Variants in NMB observed in about 807,000 individuals in gnomAD.
NMB encodes the protein neuromedin-B.
Under a neutral mutation model 11.7 loss-of-function variants are expected in NMB, and 12 were observed. The observed-to-expected ratio is 1.03, with a 90% CI of 0.66 to 1.66. The LOEUF (loss-of-function observed/expected upper bound fraction) is 1.66. Among genes scored for constraint, NMB ranks in the 40% most tolerant of loss-of-function variants. NMB has a pLI of 0.00. For missense variants in NMB, 174 were observed against 157.9 expected, an observed-to-expected ratio of 1.10 and a Z score of -0.55; for synonymous variants, 76 against 72.6, an observed-to-expected ratio of 1.05 and a Z score of -0.24.
chr15:84,655,939 G>C (rs1168147195), intron 2 of NMB, among the ~76,000 whole-genome samples: 1 of 152,114 alleles, frequency 6.6e-6, no homozygotes, highest in African/African-American at 2.4e-5. Context: ...ACCTTTTCTA[G>C]GGAATGCCTC....
intron 2 of NMB, among the ~76,000 whole-genome samples, chr15:84,656,244 C>A (rs1896781233): frequency 1.3e-5 from 2 of 152,070 alleles, no homozygotes; most frequent in African/African-American, 4.8e-5. Flanking sequence ...ACGTTGTAGT[C>A]AAAACCCACA....
intron 2 of NMB, among the ~76,000 whole-genome samples, chr15:84,656,197 T>C (rs1026888919): frequency 2.6e-5 from 4 of 152,092 alleles, no homozygotes; most frequent in African/African-American, 9.7e-5. Context: ...ATTTCTAAGG[T>C]CATACAGCTA....
rs1253612517 is a variant in NMB at position 84,657,041 on chromosome 15, C to T, written c.330+135G>A. On this transcript the variant is annotated intron_variant, in intron 2 of 2. Transcript: ENST00000360476. The stretch of plus-strand genomic sequence containing the variant: ...GGGAAAAGCCTGGAAACCTGGCTTT[C>T]TGGGGTCCACACCCATAATGTCCTA... The T allele has an allele frequency of 2.1e-5, 16 of 762,584 alleles. No individual in the cohort carries two copies. In the East Asian group the frequency reaches 5.3e-4, roughly 25 times the overall value. The allele number at this position is 762,584 out of a possible 1,614,324, so 47.2% of individuals were successfully genotyped here.
chr15:84,656,590 A>G (rs777363063), intron 2 of NMB, among the ~76,000 whole-genome samples: 2 of 150,904 alleles, frequency 1.3e-5, no homozygotes, highest in Non-Finnish European at 1.5e-5. Flanking sequence ...GTCAGCCCTC[A>G]CAAGAAACAG....
At position 84,655,375 on chromosome 15, in the gene NMB, C is replaced by T. The variant is rs17598561; in HGVS notation, c.365G>A (p.Ter122=). 0.061 allele frequency: 98,701 copies of T among 1,614,058 alleles called. 3,373 individuals are homozygous for T. Among genetic ancestry groups the T allele is most frequent in the African/African-American group, 0.092 (6,893 of 75,030 alleles). The change falls in exon 3 of 3, where the codon TGA becomes TAA. Residue 122 remains the stop codon, a stop_retained_variant. Transcript: ENST00000360476. ...RRLLVQILQK[*] Reference sequence around the variant, plus strand: ...GTTGTGTCTGCCCCATTATTGGTGTCATTTCTGCAGTATTTGTACCAGCAG... The same window carrying T: ...GTTGTGTCTGCCCCATTATTGGTGTTATTTCTGCAGTATTTGTACCAGCAG...
At chr15:84,657,393 T>A (rs1202751118) in intron 1 of NMB, 45 bp from the exon 2 acceptor site, 1 of 1,422,472 alleles carries the variant, frequency 7.0e-7, no homozygotes, top group Non-Finnish European at 9.2e-7. Context: ...GCAGCCAGGA[T>A]CCTACCTCAG....
At chr15:84,657,072 A>T in intron 2 of NMB, 104 bp downstream of exon 2, 1 of 1,065,026 alleles carries the variant, frequency 9.4e-7, no homozygotes, top group Non-Finnish European at 1.3e-6. Flanking sequence ...TCCTAGTCAG[A>T]CAGTCACACC....
intron 2 of NMB, among the ~76,000 whole-genome samples, chr15:84,656,954 G>T (rs1896789997): frequency 6.6e-6 from 1 of 152,234 alleles, no homozygotes; most frequent in East Asian, 1.9e-4. Flanking sequence ...GCCCCATGGG[G>T]TCTACTGGGA....
intron 2 of NMB, among the ~76,000 whole-genome samples, chr15:84,655,795 C>A (rs957522900): frequency 2.0e-5 from 3 of 152,168 alleles, no homozygotes; most frequent in Admixed American, 6.5e-5. Flanking sequence ...GCTTCAAAAC[C>A]AAGGGCATTA....
At chr15:84,656,637 TAAACCCTAC>T (rs1896786443) in intron 2 of NMB, among the ~76,000 whole-genome samples, 2 of 151,554 alleles carry the variant, frequency 1.3e-5, no homozygotes, top group Admixed American at 1.3e-4. Context: ...CTGAAGTTGC[TAAACCCTAC>T]CACTGGATAC....
In NMB at chr15:84,658,013, C is replaced by T. The variant is rs1436154413; in HGVS notation, c.140G>A (p.Gly47Asp). ...AGACTTACCGGTGGCCCAGAGGTTG[C>T]CTCGCGAGTGCACTCGGATCTTGCT... ...RASKIRVHSR[G>D]NLWATGHFMG... The change falls in exon 1 of 3, where the codon GGC (glycine) becomes GAC (aspartate). Residue 47 changes from glycine to aspartate, a missense_variant. Physicochemically the swap from Gly to Asp is moderately conservative, Grantham distance 94 (BLOSUM62 -1). Transcript: ENST00000360476. 23 of 1,597,592 alleles carry T rather than the reference C, an allele frequency of 1.4e-5. No homozygotes were observed. Among genetic ancestry groups the T allele is most frequent in the Non-Finnish European group, 1.8e-5 (21 of 1,173,048 alleles).
Position 84,658,167 on chromosome 15 carries a change from C to A in NMB, c.-15G>T, listed in dbSNP as rs200032663. On this transcript the variant is annotated 5_prime_UTR_variant, in exon 1 of 3. Transcript: ENST00000360476. ...CGCCGGGCCATGGCTGTGCCCGGGC[C>A]GCGGCTTCGTTCGGGCGCGCTTCCC... The A allele has an allele frequency of 7.4e-4, 1,065 of 1,443,142 alleles. 7 individuals are homozygous for A. The African/African-American group carries it at 0.014, about 19-fold the overall frequency. 89.4% of individuals were successfully genotyped at this position (1,443,142 alleles called of 1,614,324 possible). A position where few individuals can be genotyped will look rare whatever the true frequency, so the allele number is the denominator to read the frequency against.
In NMB at chr15:84,658,079, G is replaced by A. The variant is rs758870594; in HGVS notation, c.74C>T (p.Ala25Val). Reference sequence around the variant, plus strand: ...CTCCGGGAGATCCCAGCTGAGCGGGGCGACGCCGGCAGCGAGCAGGGCGAA... The same window carrying A: ...CTCCGGGAGATCCCAGCTGAGCGGGACGACGCCGGCAGCGAGCAGGGCGAA... The part of the protein sequence containing the change: ...LLFALLAAGV[A>V]PLSWDLPEPR... Residue 25 changes from alanine to valine, a missense_variant, in exon 1 of 3, where the codon GCC (alanine) becomes GTC (valine). By Grantham distance (64) the Ala-to-Val change is moderately conservative. Coordinates refer to ENST00000360476, the MANE Select transcript of NMB (RefSeq NM_021077.4). 6.3e-7 allele frequency: 1 copy of A among 1,582,774 alleles called. No homozygotes were observed. The highest frequency in any genetic ancestry group is 8.6e-7 in the Non-Finnish European group (1 of 1,169,102).
At chr15:84,657,552 T>G (rs1275868994) in intron 1 of NMB, among the ~76,000 whole-genome samples, 1 of 151,974 alleles carries the variant, frequency 6.6e-6, no homozygotes, top group Non-Finnish European at 1.5e-5. Flanking sequence ...CCTGAACAGG[T>G]AGAGAGGATG....
chr15:84,655,530 G>T, intron 2 of NMB, 121 bp from the exon 3 acceptor site: 1 of 1,318,944 alleles, frequency 7.6e-7, no homozygotes, highest in Non-Finnish European at 1.1e-6. Context: ...TGTCAGCTGA[G>T]GCAGGCCCCA....
In NMB at chr15:84,658,155, C is replaced by G. The variant is rs1307878950; in HGVS notation, c.-3G>C. ...GCGCCCCCCGCCCGCCGGGCCATGG[C>G]TGTGCCCGGGCCGCGGCTTCGTTCG... On this transcript the variant is annotated 5_prime_UTR_variant, in exon 1 of 3. Coordinates refer to ENST00000360476, the MANE Select transcript of NMB (RefSeq NM_021077.4). The G allele has an allele frequency of 1.9e-5, 28 of 1,459,974 alleles. No individual in the cohort carries two copies. Among genetic ancestry groups the G allele is most frequent in the Non-Finnish European group, 2.3e-5 (26 of 1,119,364 alleles). 90.4% of individuals were successfully genotyped at this position (1,459,974 alleles called of 1,614,324 possible). A position where few individuals can be genotyped will look rare whatever the true frequency, so the allele number is the denominator to read the frequency against.
rs915640138 is a variant in NMB, at chr15:84,655,160, A to C, written c.*214T>G. ...GTAAAGAGCAAGGTTTTATTCACCAATTCAACAGGGAAGCAGGAAATACAG... is the reference window on the plus strand; with the variant it reads ...GTAAAGAGCAAGGTTTTATTCACCACTTCAACAGGGAAGCAGGAAATACAG... On this transcript the variant is annotated 3_prime_UTR_variant, in exon 3 of 3. Coordinates refer to ENST00000360476, the MANE Select transcript of NMB (RefSeq NM_021077.4). 1 of 1,321,204 alleles carries C rather than the reference A, an allele frequency of 7.6e-7. No homozygotes were observed. Among genetic ancestry groups the C allele is most frequent in the Non-Finnish European group, 1.0e-6 (1 of 962,054 alleles). 81.8% of individuals were successfully genotyped at this position (1,321,204 alleles called of 1,614,324 possible).
rs1261764772 is a variant in NMB, at chr15:84,655,255, AAC to A, written c.*117_*118del. 1.9e-6 allele frequency: 3 copies of A among 1,589,074 alleles called. No individual in the cohort carries two copies. The highest frequency in any genetic ancestry group is 2.7e-5 in the African/African-American group (2 of 74,214). ...CAGCCAGAAATCACAGTAATGGAGT[AAC>A]AGAGATTTGAGCTCAGGATTTACAT... is the stretch of plus-strand genomic sequence containing the variant. On this transcript the variant is annotated 3_prime_UTR_variant, in exon 3 of 3. Coordinates refer to ENST00000360476, the MANE Select transcript of NMB (RefSeq NM_021077.4).
chr15:84,658,167 C>T lies in NMB; in HGVS notation c.-15G>A, dbSNP rs200032663. 3 of 1,443,142 alleles carry T rather than the reference C, an allele frequency of 2.1e-6. No homozygotes were observed. The highest frequency in any genetic ancestry group is 1.8e-6 in the Non-Finnish European group (2 of 1,111,892). 89.4% of individuals were successfully genotyped at this position (1,443,142 alleles called of 1,614,324 possible). A position where few individuals can be genotyped will look rare whatever the true frequency, so the allele number is the denominator to read the frequency against. Reference sequence around the variant, plus strand: ...CGCCGGGCCATGGCTGTGCCCGGGCCGCGGCTTCGTTCGGGCGCGCTTCCC... The same window carrying T: ...CGCCGGGCCATGGCTGTGCCCGGGCTGCGGCTTCGTTCGGGCGCGCTTCCC... On this transcript the variant is annotated 5_prime_UTR_variant, in exon 1 of 3. Transcript: ENST00000360476.
Sources: allele counts gnomAD v4.1 joint callset (sites outside exome capture counted in the v4.1 genomes callset), GRCh38; gene constraint gnomAD v4.1.1; transcripts MANE v1.5; gene names NCBI Gene and HGNC (gene_info 2026-07-23, HGNC 2026-07-21).